The following SLURP1 variants were observed in gnomAD, a reference collection of about 807,000 sequenced individuals.
SLURP1 encodes secreted Ly-6/uPAR-related protein 1.
Under a neutral mutation model 7.9 loss-of-function variants are expected in SLURP1, and 2 were observed. The observed-to-expected ratio is 0.25, with a 90% CI of 0.10 to 0.79. The LOEUF (loss-of-function observed/expected upper bound fraction) is 0.79, where lower values mean the gene tolerates loss of function less well. SLURP1 is among the 30% of genes least tolerant of loss of function. The pLI is 0.69. For missense variants in SLURP1, 111 were observed against 139.8 expected, an observed-to-expected ratio of 0.79 and a Z score of 1.04; for synonymous variants, 59 against 54.9, an observed-to-expected ratio of 1.07 and a Z score of -0.33.
Position 142,741,962 on chromosome 8 carries a change from C to G in SLURP1, c.59-40G>C. 2 of 1,606,366 alleles carry G rather than the reference C, an allele frequency of 1.2e-6. No homozygotes were observed. Among genetic ancestry groups the G allele is most frequent in the South Asian group, 2.2e-5 (2 of 90,844 alleles). ...GGGGCAGAACCTCATCACCTGACCT[C>G]GGTGGCCTCATCCTGGAACCAGGAG... On this transcript the variant is annotated intron_variant, in intron 1 of 2. Transcript: ENST00000246515. This position sits in a 1 kb window ranked among gnomAD's most constrained non-coding sequence, Gnocchi z 4.3.
chr8:142,741,369 C>T lies in SLURP1; in HGVS notation c.179-93G>A. On this transcript the variant is annotated intron_variant, in intron 2 of 2. Coordinates refer to ENST00000246515, the MANE Select transcript of SLURP1 (RefSeq NM_020427.3). This position sits in a 1 kb window ranked among gnomAD's most constrained non-coding sequence, Gnocchi z 4.3. Reference sequence around the variant, plus strand: ...AGCCGCCGTCGCCTGACCTCACCCTCCCTGTGATCCCTGTTCCCAATAGTC... The same window carrying T: ...AGCCGCCGTCGCCTGACCTCACCCTTCCTGTGATCCCTGTTCCCAATAGTC... 6.8e-7 allele frequency: 1 copy of T among 1,466,554 alleles called. No individual in the cohort carries two copies. The allele number at this position is 1,466,554 out of a possible 1,614,324, so 90.8% of individuals were successfully genotyped here.
In SLURP1 at chr8:142,742,316, C is replaced by T. The variant is rs748225232; in HGVS notation, c.58+12G>A. On this transcript the variant is annotated intron_variant, in intron 1 of 2. Coordinates refer to ENST00000246515, the MANE Select transcript of SLURP1 (RefSeq NM_020427.3). ...CAGAGGCAGGGTCCCCACCAGCCTG[C>T]GGCCCACTCACCACAGCCCATGCTC... 41 of 1,612,342 alleles carry T rather than the reference C, an allele frequency of 2.5e-5. No individual in the cohort carries two copies. The highest frequency in any genetic ancestry group is 1.7e-4 in the Middle Eastern group (1 of 6,056).
chr8:142,741,651 G>A lies in SLURP1; in HGVS notation c.178+152C>T. The A allele has an allele frequency of 7.7e-7, 1 of 1,303,356 alleles. No homozygotes were observed. Among genetic ancestry groups the A allele is most frequent in the Non-Finnish European group, 1.1e-6 (1 of 934,412 alleles). 80.7% of individuals were successfully genotyped at this position (1,303,356 alleles called of 1,614,324 possible). Reference sequence around the variant, plus strand: ...TCTGAGGGGGCTGTGCCACCCTCGTGGAAGGCACCCCTGCCAAGGTGTGGC... The same window carrying A: ...TCTGAGGGGGCTGTGCCACCCTCGTAGAAGGCACCCCTGCCAAGGTGTGGC... On this transcript the variant is annotated intron_variant, in intron 2 of 2. Coordinates refer to ENST00000246515, the MANE Select transcript of SLURP1 (RefSeq NM_020427.3). The surrounding 1 kb of genome is among the most constrained non-coding windows in gnomAD (Gnocchi z 4.3).
At position 142,741,573 on chromosome 8, in the gene SLURP1, C is replaced by T. The variant is rs1815869594; in HGVS notation, c.178+230G>A. ...CTGGGGTTTGAGCCCCCCAGGGTAC[C>T]CCGGCCATTAAGCCCCACCCACCTC... is the stretch of plus-strand genomic sequence containing the variant. On this transcript the variant is annotated intron_variant, in intron 2 of 2. Transcript: ENST00000246515. This position sits in a 1 kb window ranked among gnomAD's most constrained non-coding sequence, Gnocchi z 4.3. 6.6e-6 allele frequency among the ~76,000 whole-genome samples: 1 copy of T among 152,202 alleles called. No homozygotes were observed. The highest frequency in any genetic ancestry group is 2.4e-5 in the African/African-American group (1 of 41,462).
At chr8:142,742,272 G>A (rs587671255) in intron 1 of SLURP1, 56 bp downstream of exon 1, 1 of 1,571,348 alleles carries the variant, frequency 6.4e-7, no homozygotes, top group African/African-American at 1.3e-5. Context: ...CATCCCCCTA[G>A]GAGGTGGGCA....
In SLURP1 at chr8:142,740,953, G is replaced by T; in HGVS notation, c.*190C>A. 1.3e-6 allele frequency: 1 copy of T among 775,126 alleles called. No individual in the cohort carries two copies. Among genetic ancestry groups the T allele is most frequent in the Non-Finnish European group, 2.1e-6 (1 of 477,588 alleles). The allele number at this position is 775,126 out of a possible 1,614,324, so 48.0% of individuals were successfully genotyped here. A position where few individuals can be genotyped will look rare whatever the true frequency, so the allele number is the denominator to read the frequency against. ...AAGGACAAAAGTCATGTCCACTCTT[G>T]GCTTAGTTATGTTTTATAAGCGTGG... is the stretch of plus-strand genomic sequence containing the variant. On this transcript the variant is annotated 3_prime_UTR_variant, in exon 3 of 3. Coordinates refer to ENST00000246515, the MANE Select transcript of SLURP1 (RefSeq NM_020427.3).
chr8:142,742,102 C>G (rs1815881092), intron 1 of SLURP1, among the ~76,000 whole-genome samples, 180 bp from the exon 2 acceptor site: 1 of 152,220 alleles, frequency 6.6e-6, no homozygotes, highest in Non-Finnish European at 1.5e-5. Context: ...TGCTGCATCC[C>G]TCCACCAAGC....
chr8:142,741,321 C>A lies in SLURP1; in HGVS notation c.179-45G>T, dbSNP rs1368091892. The A allele has an allele frequency of 6.5e-7, 1 of 1,539,668 alleles. No homozygotes were observed. The highest frequency in any genetic ancestry group is 1.4e-5 in the African/African-American group (1 of 73,428). Reference sequence around the variant, plus strand: ...CAGAACCCTCACTCCCCTGCAGCGCCTGCCTGCTGCTGCACTGCTCCCAGC... The same window carrying A: ...CAGAACCCTCACTCCCCTGCAGCGCATGCCTGCTGCTGCACTGCTCCCAGC... On this transcript the variant is annotated intron_variant, in intron 2 of 2. Transcript: ENST00000246515. The surrounding 1 kb of genome is among the most constrained non-coding windows in gnomAD (Gnocchi z 4.3).
At position 142,741,682 on chromosome 8, in the gene SLURP1, G is replaced by C; in HGVS notation, c.178+121C>G. 1 of 1,509,258 alleles carries C rather than the reference G, an allele frequency of 6.6e-7. No homozygotes were observed. The allele number at this position is 1,509,258 out of a possible 1,614,324, so 93.5% of individuals were successfully genotyped here. On this transcript the variant is annotated intron_variant, in intron 2 of 2. Coordinates refer to ENST00000246515, the MANE Select transcript of SLURP1 (RefSeq NM_020427.3). This position sits in a 1 kb window ranked among gnomAD's most constrained non-coding sequence, Gnocchi z 4.3. ...CACCCCTGCCAAGGTGTGGCAGCCT[G>C]TTCTGCCCATCCCACCTGCTGCCTT... is the stretch of plus-strand genomic sequence containing the variant.
At chr8:142,742,078 G>T (rs1023301784) in intron 1 of SLURP1, among the ~76,000 whole-genome samples, 156 bp from the exon 2 acceptor site, 1 of 152,324 alleles carries the variant, frequency 6.6e-6, no homozygotes, top group Middle Eastern at 3.4e-3. Flanking sequence ...ACTGAGCTGA[G>T]CCACAGACTT....
At position 142,742,343 on chromosome 8, in the gene SLURP1, A is replaced by G. The variant is rs121908318; in HGVS notation, c.43T>C (p.Trp15Arg). 5.1e-5 allele frequency: 83 copies of G among 1,612,844 alleles called. No individual in the cohort carries two copies. The highest frequency in any genetic ancestry group is 5.8e-5 in the Non-Finnish European group (68 of 1,180,010). The change falls in exon 1 of 3, where the codon TGG (tryptophan) becomes CGG (arginine). Residue 15 changes from tryptophan to arginine, a missense_variant. Coordinates refer to ENST00000246515, the MANE Select transcript of SLURP1 (RefSeq NM_020427.3). ...WAVQLLLVAA[W>R]SMGCGEALKC... is the part of the protein sequence containing the mutation. ...GCCCACTCACCACAGCCCATGCTCC[A>G]GGCTGCCACGAGCAGCAGCTGCACA...
At position 142,741,291 on chromosome 8, in the gene SLURP1, A is replaced by G. The variant is rs1468856912; in HGVS notation, c.179-15T>C. On this transcript the variant is annotated splice_polypyrimidine_tract_variant and intron_variant, in intron 2 of 2. Coordinates refer to ENST00000246515, the MANE Select transcript of SLURP1 (RefSeq NM_020427.3). This position sits in a 1 kb window ranked among gnomAD's most constrained non-coding sequence, Gnocchi z 4.3. ...GAAGGGGTACTCTGCAGGGTGGGCC[A>G]GTGTCAGAACCCTCACTCCCCTGCA... is the stretch of plus-strand genomic sequence containing the variant. 19 of 1,578,104 alleles carry G rather than the reference A, an allele frequency of 1.2e-5. No individual in the cohort carries two copies. The highest frequency in any genetic ancestry group is 1.6e-5 in the Non-Finnish European group (19 of 1,166,412).
chr8:142,741,648 C>T lies in SLURP1; in HGVS notation c.178+155G>A, dbSNP rs1167811742. 2.0e-5 allele frequency among the ~76,000 whole-genome samples: 3 copies of T among 152,218 alleles called. No homozygotes were observed. The highest frequency in any genetic ancestry group is 1.3e-4 in the Admixed American group (2 of 15,290). ...GTCTCTGAGGGGGCTGTGCCACCCT[C>T]GTGGAAGGCACCCCTGCCAAGGTGT... On this transcript the variant is annotated intron_variant, in intron 2 of 2. Transcript: ENST00000246515. The surrounding 1 kb of genome is among the most constrained non-coding windows in gnomAD (Gnocchi z 4.3).
In SLURP1 at chr8:142,741,157, TGCAGAGGTCTCGGAAGCA is replaced by T; in HGVS notation, c.280_297del (p.Cys94_Cys99del). ...CCGCCCTGGGTTCAGAGTTCCGAGT[TGCAGAGGTCTCGGAAGCA>T]GCAGAAGATCAGGTGGGCGGCCCCG... On this transcript the variant is annotated inframe_deletion, in exon 3 of 3. Coordinates refer to ENST00000246515, the MANE Select transcript of SLURP1 (RefSeq NM_020427.3). The surrounding 1 kb of genome is among the most constrained non-coding windows in gnomAD (Gnocchi z 4.3). 6.2e-7 allele frequency: 1 copy of T among 1,606,550 alleles called. No homozygotes were observed. Among genetic ancestry groups the T allele is most frequent in the Non-Finnish European group, 8.5e-7 (1 of 1,179,916 alleles).
Position 142,741,660 on chromosome 8 carries a change from C to T in SLURP1, c.178+143G>A. 1 of 1,362,502 alleles carries T rather than the reference C, an allele frequency of 7.3e-7. No individual in the cohort carries two copies. Among genetic ancestry groups the T allele is most frequent in the South Asian group, 1.2e-5 (1 of 81,692 alleles). 84.4% of individuals were successfully genotyped at this position (1,362,502 alleles called of 1,614,324 possible). ...GCTGTGCCACCCTCGTGGAAGGCAC[C>T]CCTGCCAAGGTGTGGCAGCCTGTTC... On this transcript the variant is annotated intron_variant, in intron 2 of 2. Coordinates refer to ENST00000246515, the MANE Select transcript of SLURP1 (RefSeq NM_020427.3). This position sits in a 1 kb window ranked among gnomAD's most constrained non-coding sequence, Gnocchi z 4.3.
chr8:142,741,284 G>A lies in SLURP1; in HGVS notation c.179-8C>T, dbSNP rs1815863777. 6.3e-7 allele frequency: 1 copy of A among 1,583,786 alleles called. No homozygotes were observed. Among genetic ancestry groups the A allele is most frequent in the Non-Finnish European group, 8.6e-7 (1 of 1,168,940 alleles). ...TCTGGTTGAAGGGGTACTCTGCAGG[G>A]TGGGCCAGTGTCAGAACCCTCACTC... is the stretch of plus-strand genomic sequence containing the variant. On this transcript the variant is annotated splice_region_variant and splice_polypyrimidine_tract_variant and intron_variant, in intron 2 of 2. Coordinates refer to ENST00000246515, the MANE Select transcript of SLURP1 (RefSeq NM_020427.3). This position sits in a 1 kb window ranked among gnomAD's most constrained non-coding sequence, Gnocchi z 4.3.
Position 142,741,254 on chromosome 8 carries a change from G to A in SLURP1, c.201C>T (p.Pro67=), listed in dbSNP as rs747734516. Residue 67 remains proline (P), a synonymous_variant, in exon 3 of 3, where the codon CCC becomes CCT. Coordinates refer to ENST00000246515, the MANE Select transcript of SLURP1 (RefSeq NM_020427.3). This position sits in a 1 kb window ranked among gnomAD's most constrained non-coding sequence, Gnocchi z 4.3. ...AGCTGGAGCAGGAGCGGGTCACCAC[G>A]GGGCTCTGGTTGAAGGGGTACTCTG... ...VEAEYPFNQS[P]VVTRSCSSSC... 16 of 1,605,530 alleles carry A rather than the reference G, an allele frequency of 1.0e-5. No homozygotes were observed. The highest frequency in any genetic ancestry group is 5.1e-5 in the Admixed American group (3 of 59,318).
In SLURP1 at chr8:142,741,656, G is replaced by A; in HGVS notation, c.178+147C>T. The stretch of plus-strand genomic sequence containing the variant: ...GGGGGCTGTGCCACCCTCGTGGAAG[G>A]CACCCCTGCCAAGGTGTGGCAGCCT... On this transcript the variant is annotated intron_variant, in intron 2 of 2. Transcript: ENST00000246515. This position sits in a 1 kb window ranked among gnomAD's most constrained non-coding sequence, Gnocchi z 4.3. The A allele has an allele frequency of 7.5e-7, 1 of 1,325,878 alleles. No homozygotes were observed. The highest frequency in any genetic ancestry group is 1.0e-6 in the Non-Finnish European group (1 of 953,262). The allele number at this position is 1,325,878 out of a possible 1,614,324, so 82.1% of individuals were successfully genotyped here. A position where few individuals can be genotyped will look rare whatever the true frequency, so the allele number is the denominator to read the frequency against.
rs1587590249 is a variant in SLURP1 at position 142,741,860 on chromosome 8, T to C, written c.121A>G (p.Thr41Ala). Residue 41 changes from threonine to alanine, a missense_variant, in exon 2 of 3, where the codon ACC becomes GCC. Transcript: ENST00000246515. This position sits in a 1 kb window ranked among gnomAD's most constrained non-coding sequence, Gnocchi z 4.3. Reference protein sequence around the residue: ...PMTSASCRTITRCKPEDTACM... With the variant: ...PMTSASCRTIARCKPEDTACM... ...GCTGTGTCCTCTGGCTTGCAGCGGG[T>C]AATGGTCCTGCAGGAAGCACTGGTC... 4 of 1,612,958 alleles carry C rather than the reference T, an allele frequency of 2.5e-6. No homozygotes were observed. Among genetic ancestry groups the C allele is most frequent in the Non-Finnish European group, 2.5e-6 (3 of 1,179,924 alleles).
Sources: gnomAD v4.1 joint callset for allele counts (sites outside exome capture counted in the v4.1 genomes callset) on GRCh38, gnomAD v4.1.1 for gene constraint, Gnocchi (gnomAD v3.1) non-coding constraint, MANE v1.5 for transcripts, NCBI Gene and HGNC (gene_info 2026-07-23, HGNC 2026-07-21) for gene names.